The following MAP3K4 variants were observed in gnomAD, a reference collection of about 807,000 sequenced individuals.
MAP3K4 encodes the protein MAP three kinase 1.
MAP3K4 carries 67 observed loss-of-function variants against 185.6 expected under a neutral mutation model. The observed-to-expected ratio is 0.36, with a 90% confidence interval of 0.30 to 0.44. MAP3K4 has a LOEUF of 0.44. MAP3K4 is among the 20% of genes least tolerant of loss of function. The probability of loss-of-function intolerance (pLI) is 1.00; values close to 1 mark genes in which losing one functional copy is unlikely to be tolerated. For missense variants in MAP3K4, 1,551 were observed against 1,995.1 expected, an observed-to-expected ratio of 0.78 and a Z score of 4.24; for synonymous variants, 702 against 710.4, an observed-to-expected ratio of 0.99 and a Z score of 0.19.
At chr6:161,030,014 A>G (rs1405445789) in intron 1 of MAP3K4, among the ~76,000 whole-genome samples, 1 of 152,170 alleles carries the variant, frequency 6.6e-6, no homozygotes. Context: ...TATGATGTAC[A>G]TAACAACAGA....
In MAP3K4 at chr6:161,048,466, C is replaced by A; in HGVS notation, c.344-150C>A. The A allele has an allele frequency of 1.7e-6, 1 of 587,262 alleles. No homozygotes were observed. The highest frequency in any genetic ancestry group is 2.9e-6 in the Non-Finnish European group (1 of 343,192). The allele number at this position is 587,262 out of a possible 1,614,324, so 36.4% of individuals were successfully genotyped here. Reference sequence around the variant, plus strand: ...AAATGTCATATATATTTTTTGATTCCTTTAATTTTTAGGATATGGTATGCT... The same window carrying A: ...AAATGTCATATATATTTTTTGATTCATTTAATTTTTAGGATATGGTATGCT... On this transcript the variant is annotated intron_variant, in intron 2 of 26. Coordinates refer to ENST00000392142, the MANE Select transcript of MAP3K4 (RefSeq NM_005922.4). This position sits in a 1 kb window ranked among gnomAD's most constrained non-coding sequence, Gnocchi z 4.7.
rs1784954765 is a variant in MAP3K4 at position 161,071,794 on chromosome 6, T to G, written c.1950+944T>G. 6.6e-6 allele frequency among the ~76,000 whole-genome samples: 1 copy of G among 152,248 alleles called. No homozygotes were observed. Among genetic ancestry groups the G allele is most frequent in the Non-Finnish European group, 1.5e-5 (1 of 68,044 alleles). On this transcript the variant is annotated intron_variant, in intron 4 of 26. Transcript: ENST00000392142. This position sits in a 1 kb window ranked among gnomAD's most constrained non-coding sequence, Gnocchi z 4.6. ...CCCTTCCTTCTCACCCTCTTGTTTC[T>G]GGTTATTGTCGTGCTGTCCACTTTG...
rs746966746 is a variant in MAP3K4 at position 161,048,640 on chromosome 6, C to T, written c.368C>T (p.Pro123Leu). The change falls in exon 3 of 27, where the codon CCT becomes CTT. Residue 123 changes from proline to leucine, a missense_variant. By Grantham distance (98) the Pro-to-Leu change is moderately conservative (BLOSUM62 -3). Coordinates refer to ENST00000392142, the MANE Select transcript of MAP3K4 (RefSeq NM_005922.4). This position sits in a 1 kb window ranked among gnomAD's most constrained non-coding sequence, Gnocchi z 4.7. ...LKEKMNAPNQ[P>L]PHKDTGKTVE... The stretch of plus-strand genomic sequence containing the variant: ...GAAAAAATGAATGCACCAAATCAGC[C>T]TCCACATAAAGACACTGGAAAAACA... 12 of 1,591,166 alleles carry T rather than the reference C, an allele frequency of 7.5e-6. No individual in the cohort carries two copies. Among genetic ancestry groups the T allele is most frequent in the Middle Eastern group, 3.4e-4 (2 of 5,896 alleles).
chr6:161,046,209 T>C (rs1014892119), intron 2 of MAP3K4, among the ~76,000 whole-genome samples: 1 of 152,150 alleles, frequency 6.6e-6, no homozygotes, highest in Non-Finnish European at 1.5e-5. Flanking sequence ...ATATGAATTA[T>C]CTTGAAAAAT....
intron 1 of MAP3K4, among the ~76,000 whole-genome samples, chr6:161,021,304 A>G (rs925851459): frequency 6.6e-6 from 1 of 152,174 alleles, no homozygotes; most frequent in African/African-American, 2.4e-5. Flanking sequence ...GATAAGACAT[A>G]ACGTAGTCTG....
rs1207308683 is a variant in MAP3K4 at position 161,067,861 on chromosome 6, CA to C, written c.1708-2743del. ...AGTATATGTTATTCTTTTTGAAAAT[CA>C]AAACATCCACTTTTAAAACTGTAGA... On this transcript the variant is annotated intron_variant, in intron 3 of 26. Coordinates refer to ENST00000392142, the MANE Select transcript of MAP3K4 (RefSeq NM_005922.4). This position sits in a 1 kb window ranked among gnomAD's most constrained non-coding sequence, Gnocchi z 6.3. 6.6e-6 allele frequency among the ~76,000 whole-genome samples: 1 copy of C among 152,166 alleles called. No individual in the cohort carries two copies. The highest frequency in any genetic ancestry group is 1.5e-5 in the Non-Finnish European group (1 of 68,024).
intron 1 of MAP3K4, among the ~76,000 whole-genome samples, chr6:161,029,379 C>T (rs148775851): frequency 1.3e-3 from 191 of 152,288 alleles, no homozygotes; most frequent in African/African-American, 4.4e-3. Flanking sequence ...CAGAGCAGAA[C>T]TATTTAACCC....
At chr6:161,041,509 AG>A (rs1471596256) in intron 2 of MAP3K4, among the ~76,000 whole-genome samples, 5 of 152,248 alleles carry the variant, frequency 3.3e-5, no homozygotes, top group African/African-American at 1.2e-4. Context: ...CTAGGGGCTC[AG>A]CTGGTATGGG....
chr6:161,113,933 G>C lies in MAP3K4; in HGVS notation c.4626+1159G>C, dbSNP rs556018087. On this transcript the variant is annotated intron_variant, in intron 25 of 26. Coordinates refer to ENST00000392142, the MANE Select transcript of MAP3K4 (RefSeq NM_005922.4). ...CTGCCTCAGCCTCCCAAGTAGCTGG[G>C]ATTACAGGCACCTGCCACCATGCCT... is the stretch of plus-strand genomic sequence containing the variant. Among the ~76,000 whole-genome samples the C allele has an allele frequency of 1.0e-3, 155 of 151,890 alleles. 1 individual carries two copies. The highest frequency in any genetic ancestry group is 9.1e-4 in the Non-Finnish European group (62 of 67,952).
At position 161,096,947 on chromosome 6, in the gene MAP3K4, T is replaced by C. The variant is rs914869212; in HGVS notation, c.3428-133T>C. 5.0e-6 allele frequency: 3 copies of C among 596,528 alleles called. No homozygotes were observed. The East Asian group carries it at 8.3e-5, about 17-fold the overall frequency. 37.0% of individuals were successfully genotyped at this position (596,528 alleles called of 1,614,324 possible). ...TATTTGTATATGTAATATTATTTTT[T>C]ACTTATATAAATGGACTTACCTTGG... On this transcript the variant is annotated intron_variant, in intron 15 of 26. Transcript: ENST00000392142. The surrounding 1 kb of genome is among the most constrained non-coding windows in gnomAD (Gnocchi z 4.9).
At position 161,101,989 on chromosome 6, in the gene MAP3K4, G is replaced by A; in HGVS notation, c.3772G>A (p.Asp1258Asn). 6.2e-7 allele frequency: 1 copy of A among 1,613,438 alleles called. No homozygotes were observed. The highest frequency in any genetic ancestry group is 8.5e-7 in the Non-Finnish European group (1 of 1,179,420). ...TCACTCAAGCCCCACGGAGGAGCGAGATGGTGAGTGTTTTAAGGTGTTAGC... is the reference window on the plus strand; with the variant it reads ...TCACTCAAGCCCCACGGAGGAGCGAAATGGTGAGTGTTTTAAGGTGTTAGC... ...SRHSSPTEER[D>N]EPAYPRGDSS... is the part of the protein sequence containing the mutation. Residue 1258 changes from aspartate (D) to asparagine (N), a missense_variant, in exon 18 of 27, where the codon GAT becomes AAT. By Grantham distance (23) the Asp-to-Asn change is conservative. This residue lies in a region of MAP3K4 where 272 missense variants were observed against 301.2 expected (regional missense o/e 0.90). Transcript: ENST00000392142. This position sits in a 1 kb window ranked among gnomAD's most constrained non-coding sequence, Gnocchi z 5.1.
intron 3 of MAP3K4, among the ~76,000 whole-genome samples, chr6:161,055,152 G>C (rs1562509776): frequency 6.6e-6 from 1 of 152,082 alleles, no homozygotes; most frequent in African/African-American, 2.4e-5. Context: ...TCCAACTCTT[G>C]CTCCTCTTTC....
Position 161,091,500 on chromosome 6 carries a change from A to T in MAP3K4, c.3095A>T (p.Tyr1032Phe). The T allele has an allele frequency of 1.2e-6, 2 of 1,613,968 alleles. No individual in the cohort carries two copies. Among genetic ancestry groups the T allele is most frequent in the Non-Finnish European group, 1.7e-6 (2 of 1,179,960 alleles). ...ESESVTLQQY[Y>F]REAMIQGYNF... ...GAATCTGTCACCTTGCAACAGTACT[A>T]CCGAGAAGCAATGATTCAGGGGTAC... The change falls in exon 12 of 27, where the codon TAC (tyrosine) becomes TTC (phenylalanine). Residue 1032 changes from tyrosine (Y) to phenylalanine (F), a missense_variant. This residue lies in a region of MAP3K4 where 261 missense variants were observed against 306.5 expected (regional missense o/e 0.85). Transcript: ENST00000392142. The surrounding 1 kb of genome is among the most constrained non-coding windows in gnomAD (Gnocchi z 5.5).
rs748246550 is a variant in MAP3K4, at chr6:161,034,262, A to G, written c.156A>G (p.Gln52=). 17 of 1,612,664 alleles carry G rather than the reference A, an allele frequency of 1.1e-5. No individual in the cohort carries two copies. Among genetic ancestry groups the G allele is most frequent in the Non-Finnish European group, 1.3e-5 (15 of 1,179,060 alleles). ...SEPECCLAAR[Q]EGTLGDSACK... ...CCCTGCACACTGTCTTTCATAGGCA[A>G]GAGGGCACATTGGGAGATTCAGCTT... is the stretch of plus-strand genomic sequence containing the variant. Residue 52 remains glutamine (Q), a synonymous_variant, in exon 2 of 27, where the codon CAA becomes CAG. Coordinates refer to ENST00000392142, the MANE Select transcript of MAP3K4 (RefSeq NM_005922.4). This position sits in a 1 kb window ranked among gnomAD's most constrained non-coding sequence, Gnocchi z 4.4.
chr6:161,087,664 G>A lies in MAP3K4; in HGVS notation c.2557-24G>A, dbSNP rs761328649. 1.2e-6 allele frequency: 2 copies of A among 1,612,142 alleles called. No individual in the cohort carries two copies. The highest frequency in any genetic ancestry group is 1.7e-6 in the Non-Finnish European group (2 of 1,179,590). On this transcript the variant is annotated intron_variant, in intron 9 of 26. Transcript: ENST00000392142. This position sits in a 1 kb window ranked among gnomAD's most constrained non-coding sequence, Gnocchi z 4.9. The stretch of plus-strand genomic sequence containing the variant: ...TTCTCTAATGTACAGTGTTCCTTAA[G>A]ATTTTGGATTATGTCTTTTGCAGGT...
intron 1 of MAP3K4, among the ~76,000 whole-genome samples, chr6:161,020,088 G>T (rs968498330): frequency 2.0e-5 from 3 of 152,160 alleles, no homozygotes; most frequent in Non-Finnish European, 2.9e-5. Context: ...TTGAGCATTG[G>T]CTTTGAATTA....
intron 13 of MAP3K4, 59 bp from the exon 14 acceptor site, chr6:161,092,919 A>G (rs1174755613): frequency 9.7e-6 from 10 of 1,033,794 alleles, no homozygotes; most frequent in Admixed American, 1.7e-5. Context: ...TGTACAGTCT[A>G]AAACTGCTAC....
At position 161,070,693 on chromosome 6, in the gene MAP3K4, C is replaced by A. The variant is rs1168125138; in HGVS notation, c.1793C>A (p.Ala598Asp). ...TPPSSEEKCS[A>D]VSWEELKAMD... ...CCTTCATCTGAGGAGAAATGCAGTG[C>A]TGTGTCGTGGGAGGAGCTGAAGGCC... The change falls in exon 4 of 27, where the codon GCT becomes GAT. Residue 598 changes from alanine to aspartate, a missense_variant. Coordinates refer to ENST00000392142, the MANE Select transcript of MAP3K4 (RefSeq NM_005922.4). This position sits in a 1 kb window ranked among gnomAD's most constrained non-coding sequence, Gnocchi z 4.5. The A allele has an allele frequency of 6.2e-7, 1 of 1,613,954 alleles. No individual in the cohort carries two copies. Among genetic ancestry groups the A allele is most frequent in the African/African-American group, 1.3e-5 (1 of 74,920 alleles).
chr6:161,049,577 C>T lies in MAP3K4; in HGVS notation c.1305C>T (p.Ser435=), dbSNP rs775512266. 1.2e-6 allele frequency: 2 copies of T among 1,614,050 alleles called. No individual in the cohort carries two copies. The highest frequency in any genetic ancestry group is 1.7e-6 in the Non-Finnish European group (2 of 1,180,016). ...PVFEIPSPRP[S]KGNEPEYEGD... is the part of the protein sequence containing the mutation. ...TTGAAATCCCTTCCCCTCGACCATC[C>T]AAAGGTAATGAGCCGGAGTATGAGG... Residue 435 remains serine (S), a synonymous_variant, in exon 3 of 27, where the codon TCC becomes TCT. Coordinates refer to ENST00000392142, the MANE Select transcript of MAP3K4 (RefSeq NM_005922.4). This position sits in a 1 kb window ranked among gnomAD's most constrained non-coding sequence, Gnocchi z 8.4.
Sources: allele counts gnomAD v4.1 joint callset (sites outside exome capture counted in the v4.1 genomes callset), GRCh38; gene constraint gnomAD v4.1.1; regional missense constraint gnomAD v4.1.1; non-coding constraint Gnocchi (gnomAD v3.1); transcripts MANE v1.5; gene names NCBI Gene and HGNC (gene_info 2026-07-23, HGNC 2026-07-21).